ANKAR: variants seen among roughly 807,000 people sequenced by gnomAD.
The protein encoded by ANKAR is ankyrin and armadillo repeat containing, also known as ankyrin and armadillo repeat-containing protein.
A neutral mutation model predicts 146.2 loss-of-function variants in ANKAR; 136 were observed. The observed-to-expected ratio is 0.93, with a 90% CI of 0.81 to 1.07. The LOEUF is 1.07. ANKAR is among the 50% of genes least tolerant of loss of function. The pLI is 0.00. For missense variants in ANKAR, 1,567 were observed against 1,679.9 expected (o/e 0.93, Z 1.18); for synonymous variants, 500 against 575.8 (o/e 0.87, Z 1.88).
intron 2 of ANKAR, among the ~76,000 whole-genome samples, chr2:189,679,288 C>G (rs2034262434): frequency 6.6e-6 from 1 of 152,082 alleles, no homozygotes; most frequent in African/African-American, 2.4e-5. Flanking sequence ...TATAGCAGTG[C>G]TACTGATTTG....
chr2:189,696,352 T>G lies in ANKAR; in HGVS notation c.1691T>G (p.Phe564Cys). 6.2e-7 allele frequency: 1 copy of G among 1,613,666 alleles called. No homozygotes were observed. The highest frequency in any genetic ancestry group is 1.7e-5 in the Admixed American group (1 of 59,948). Residue 564 changes from phenylalanine to cysteine, a missense_variant, in exon 7 of 23, where the codon TTT becomes TGT. Transcript: ENST00000684021. ...AACTTCAAGGTCAACCAGAGGCGCTTTGTTACGTTCAGCCAAGGTACCATA... is the reference window on the plus strand; with the variant it reads ...AACTTCAAGGTCAACCAGAGGCGCTGTGTTACGTTCAGCCAAGGTACCATA... ...NANFKVNQRR[F>C]VTFSQGPTPL...
intron 11 of ANKAR, 76 bp from the exon 12 acceptor site, chr2:189,720,543 G>A: frequency 1.8e-6 from 2 of 1,119,146 alleles, no homozygotes; most frequent in Non-Finnish European, 2.3e-6. Flanking sequence ...ACCACTTCCG[G>A]CCAACTTGTA....
Position 189,737,075 on chromosome 2 carries a change from AAAAAAAAAAGAAAAAG to A in ANKAR, c.3424-593_3424-578del, listed in dbSNP as rs771713938. On this transcript the variant is annotated intron_variant, in intron 17 of 22. Coordinates refer to ENST00000684021, the MANE Select transcript of ANKAR (RefSeq NM_001378068.1). ...GGTGACAGAGGGAGACTTTGTCTCA[AAAAAAAAAAGAAAAAG>A]AAAAAAAAAGAAAAGAAAATTCACC... Among the ~76,000 whole-genome samples the A allele has an allele frequency of 1.1e-3, 146 of 137,758 alleles. 1 individual carries two copies. The highest frequency in any genetic ancestry group is 3.6e-3 in the Admixed American group (51 of 14,074). The allele number at this position is 137,758 out of a possible 152,430, so 90.4% of individuals were successfully genotyped here. A position where few individuals can be genotyped will look rare whatever the true frequency, so the allele number is the denominator to read the frequency against.
Position 189,689,809 on chromosome 2 carries a change from A to C in ANKAR, c.884A>C (p.Gln295Pro), listed in dbSNP as rs1196477981. The change falls in exon 3 of 23, where the codon CAA becomes CCA. Residue 295 changes from glutamine (Q) to proline (P), a missense_variant. Transcript: ENST00000684021. ...AGACTACAGCAAAGATTATATCTTC[A>C]AAAAAAGATTATTCAAAAACACTTT... ...YQRLQQRLYL[Q>P]KKIIQKHFEK... The C allele has an allele frequency of 1.9e-6, 3 of 1,605,606 alleles. No individual in the cohort carries two copies. In the African/African-American group the frequency reaches 4.0e-5, roughly 22 times the overall value.
chr2:189,723,659 C>T (rs1296980026), intron 12 of ANKAR, among the ~76,000 whole-genome samples: 1 of 152,024 alleles, frequency 6.6e-6, no homozygotes, highest in Non-Finnish European at 1.5e-5. Context: ...AATTATGACC[C>T]CAAAAGTTGT....
intron 18 of ANKAR, chr2:189,755,058 G>T: frequency 3.9e-6 from 5 of 1,279,632 alleles, no homozygotes; most frequent in East Asian, 2.5e-5. Context: ...ATTTTTTTCA[G>T]TTTACTAAGA....
chr2:189,697,831 G>T (rs868614989), intron 7 of ANKAR, among the ~76,000 whole-genome samples: 60 of 151,992 alleles, frequency 3.9e-4, no homozygotes, highest in African/African-American at 1.2e-3. Context: ...ACACAAAATT[G>T]TCCCACCTGT....
At chr2:189,716,142 T>C (rs1156972072) in intron 10 of ANKAR, among the ~76,000 whole-genome samples, 3 of 152,164 alleles carry the variant, frequency 2.0e-5, no homozygotes, top group Non-Finnish European at 4.4e-5. Flanking sequence ...AAAGAGGAAG[T>C]CAAATTGTCC....
intron 2 of ANKAR, among the ~76,000 whole-genome samples, chr2:189,678,261 G>T (rs529517404): frequency 1.3e-5 from 2 of 152,052 alleles, no homozygotes; most frequent in African/African-American, 4.8e-5. Context: ...TCTATTCATG[G>T]CTTTTGCCCA....
chr2:189,683,218 G>T (rs1453799410), intron 2 of ANKAR, among the ~76,000 whole-genome samples: 1 of 152,200 alleles, frequency 6.6e-6, no homozygotes, highest in Non-Finnish European at 1.5e-5. Context: ...AAGCTACCCA[G>T]TCTGTGCTTT....
chr2:189,728,786 T>C lies in ANKAR; in HGVS notation c.3158T>C (p.Leu1053Pro). The C allele has an allele frequency of 6.2e-7, 1 of 1,614,030 alleles. No homozygotes were observed. Among genetic ancestry groups the C allele is most frequent in the Admixed American group, 1.7e-5 (1 of 60,002 alleles). The stretch of plus-strand genomic sequence containing the variant: ...AGTACGATTGCTGAAGGCACACTTC[T>C]CAGTGTCATCAGAGCAGTGGGATCC... ...RISTIAEGTLLSVIRAVGSIC... is the reference protein window; with the variant it reads ...RISTIAEGTLPSVIRAVGSIC... The change falls in exon 15 of 23, where the codon CTC (leucine) becomes CCC (proline). Residue 1053 changes from leucine (L) to proline (P), a missense_variant. Transcript: ENST00000684021.
intron 7 of ANKAR, among the ~76,000 whole-genome samples, chr2:189,700,110 C>G (rs1302265515): frequency 6.8e-6 from 1 of 147,394 alleles, no homozygotes; most frequent in African/African-American, 2.5e-5. Context: ...TATCATTTTT[C>G]TTCTCTTTGG....
chr2:189,746,452 C>G lies in ANKAR; in HGVS notation c.4130C>G (p.Thr1377Ser). 6.2e-7 allele frequency: 1 copy of G among 1,613,126 alleles called. No homozygotes were observed. The highest frequency in any genetic ancestry group is 8.5e-7 in the Non-Finnish European group (1 of 1,179,732). Reference sequence around the variant, plus strand: ...TCTTTGACTTTATTACCTCCTGTAACTAACTTCATGGGACTCTTCAAAGCA... The same window carrying G: ...TCTTTGACTTTATTACCTCCTGTAAGTAACTTCATGGGACTCTTCAAAGCA... ...KDSLTLLPPV[T>S]NFMGLFKATK... Residue 1377 changes from threonine to serine, a missense_variant, in exon 23 of 23, where the codon ACT becomes AGT. Transcript: ENST00000684021.
At chr2:189,674,897 GGACGTGGGTCCCGGGCTTGACTGGACA>G (rs951722841) in intron 1 of ANKAR, 67 bp downstream of exon 1, 1 of 152,456 alleles carries the variant, frequency 6.6e-6, no homozygotes, top group Admixed American at 6.5e-5. Flanking sequence ...AGCTGCTTTT[GGACGTGGGTCCCGGGCTTGACTGGACA>G]GACGTGGGTT....
chr2:189,690,368 C>T (rs2036205431), intron 3 of ANKAR, among the ~76,000 whole-genome samples: 1 of 151,992 alleles, frequency 6.6e-6, no homozygotes, highest in African/African-American at 2.4e-5. Context: ...TATAGAGCAG[C>T]AAGGGGTTAA....
chr2:189,693,099 G>T lies in ANKAR; in HGVS notation c.1229G>T (p.Cys410Phe). 1 of 1,540,596 alleles carries T rather than the reference G, an allele frequency of 6.5e-7. No individual in the cohort carries two copies. Among genetic ancestry groups the T allele is most frequent in the South Asian group, 1.2e-5 (1 of 83,684 alleles). The stretch of plus-strand genomic sequence containing the variant: ...AAAAATTTAGAAAAAATACGAGATT[G>T]TGCTGCTAATACATTTATAGAAGAT... ...FQKNLEKIRD[C>F]AANTFIEDSG... Residue 410 changes from cysteine (C) to phenylalanine (F), a missense_variant, in exon 5 of 23, where the codon TGT becomes TTT. Transcript: ENST00000684021.
At chr2:189,718,359 GACACAC>G (rs66795152) in intron 10 of ANKAR, among the ~76,000 whole-genome samples, 134,584 of 151,082 alleles carry the variant, frequency 0.89, 60,989 homozygotes, top group Non-Finnish European at 0.97. Context: ...TCTACACACA[GACACAC>G]ACACACACAC....
rs562427024 is a variant in ANKAR, at chr2:189,744,080, G to GTGA, written c.4010+608_4010+610dup. On this transcript the variant is annotated intron_variant, in intron 21 of 22. Coordinates refer to ENST00000684021, the MANE Select transcript of ANKAR (RefSeq NM_001378068.1). ...GAATTACAAGTCTTCTCTCCAAGTA[G>GTGA]TGATATTCATACATAGGAAATAGAA... Among the ~76,000 whole-genome samples, 202 of 152,254 alleles carry GTGA rather than the reference G, an allele frequency of 1.3e-3. 1 individual carries two copies. Among genetic ancestry groups the GTGA allele is most frequent in the African/African-American group, 4.5e-3 (188 of 41,544 alleles).
intron 10 of ANKAR, among the ~76,000 whole-genome samples, chr2:189,712,177 G>T (rs2039790561): frequency 6.6e-6 from 1 of 152,172 alleles, no homozygotes; most frequent in Admixed American, 6.5e-5. Flanking sequence ...GGGCATAGCT[G>T]AACAAAAGGC....
Sources: gnomAD v4.1 joint callset for allele counts (sites outside exome capture counted in the v4.1 genomes callset) on GRCh38, gnomAD v4.1.1 for gene constraint, MANE v1.5 for transcripts, NCBI Gene and HGNC (gene_info 2026-07-23, HGNC 2026-07-21) for gene names.